DAG1: variants seen among roughly 807,000 people sequenced by gnomAD.
The protein encoded by DAG1 is dystroglycan 1 (dystrophin-associated glycoprotein 1).
A neutral mutation model predicts 46.1 loss-of-function variants in DAG1; 8 were observed. The observed-to-expected ratio is 0.17, with a 90% CI of 0.10 to 0.31. DAG1 has a LOEUF of 0.31. Ranked by LOEUF, DAG1 falls within the 10% of genes least tolerant of loss-of-function variation. The pLI, the probability that DAG1 is intolerant of heterozygous loss-of-function variation, is 1.00. For missense variants in DAG1, 1,003 were observed against 1,189.9 expected, an observed-to-expected ratio of 0.84 and a Z score of 2.31; for synonymous variants, 495 against 481.8, an observed-to-expected ratio of 1.03 and a Z score of -0.36.
chr3:49,475,852 C>T (rs937906875), intron 1 of DAG1, among the ~76,000 whole-genome samples: 23 of 151,520 alleles, frequency 1.5e-4, no homozygotes, highest in East Asian at 1.4e-3. Context: ...TACAGGTGCC[C>T]GCCACCACAC....
intron 2 of DAG1, among the ~76,000 whole-genome samples, chr3:49,526,370 A>G (rs2051171635): frequency 3.9e-5 from 6 of 152,264 alleles, no homozygotes; most frequent in Admixed American, 3.9e-4. Flanking sequence ...TGCCCCAAAG[A>G]CATGGGTAAA....
At chr3:49,505,457 T>C (rs1327396922) in intron 1 of DAG1, among the ~76,000 whole-genome samples, 1 of 152,204 alleles carries the variant, frequency 6.6e-6, no homozygotes, top group Non-Finnish European at 1.5e-5. Context: ...TAAATGATAC[T>C]GTATTTTTAA....
chr3:49,527,893 T>C (rs1010250913), intron 2 of DAG1, among the ~76,000 whole-genome samples: 1 of 152,178 alleles, frequency 6.6e-6, no homozygotes, highest in African/African-American at 2.4e-5. Flanking sequence ...CTTAGTTGGC[T>C]TTACCCAGAC....
chr3:49,498,789 A>G (rs1228918017), intron 1 of DAG1, among the ~76,000 whole-genome samples: 1 of 151,534 alleles, frequency 6.6e-6, no homozygotes, highest in Non-Finnish European at 1.5e-5. Flanking sequence ...TCTCACTGCA[A>G]TCTCACCATC....
At chr3:49,523,751 C>G (rs2051099241) in intron 2 of DAG1, among the ~76,000 whole-genome samples, 1 of 152,154 alleles carries the variant, frequency 6.6e-6, no homozygotes, top group Non-Finnish European at 1.5e-5. Context: ...TTCTCAGAGC[C>G]CATGGGAGCC....
Position 49,524,866 on chromosome 3 carries a change from A to G in DAG1, c.286-5931A>G, listed in dbSNP as rs2051125599. Among the ~76,000 whole-genome samples, 3 of 151,944 alleles carry G rather than the reference A, an allele frequency of 2.0e-5. No individual in the cohort carries two copies. The South Asian group carries it at 6.2e-4, about 32-fold the overall frequency. On this transcript the variant is annotated intron_variant, in intron 2 of 2. Transcript: ENST00000308775. ...CCGGGCACGTGCCTATGTCCCAGCTACTTGGGAGGCTGAGGTGGGAGGATT... is the reference window on the plus strand; with the variant it reads ...CCGGGCACGTGCCTATGTCCCAGCTGCTTGGGAGGCTGAGGTGGGAGGATT...
At chr3:49,508,382 ATTTG>A (rs908308152) in intron 1 of DAG1, among the ~76,000 whole-genome samples, 1 of 149,250 alleles carries the variant, frequency 6.7e-6, no homozygotes, top group African/African-American at 2.5e-5. Flanking sequence ...TTGTATTTGT[ATTTG>A]TTTGTGTATA....
In DAG1 at chr3:49,507,285, A is replaced by G. The variant is rs376671680; in HGVS notation, c.-116-3134A>G. On this transcript the variant is annotated intron_variant, in intron 1 of 2. Transcript: ENST00000308775. ...GTTTTAAAATTACAAATTCAGGGTCAGGCGTGGTGGCTCACACCTGTAATC... is the reference window on the plus strand; with the variant it reads ...GTTTTAAAATTACAAATTCAGGGTCGGGCGTGGTGGCTCACACCTGTAATC... Among the ~76,000 whole-genome samples, 18 of 152,284 alleles carry G rather than the reference A, an allele frequency of 1.2e-4. No individual in the cohort carries two copies. In the East Asian group the frequency reaches 2.5e-3, roughly 21 times the overall value.
At chr3:49,512,724 T>C (rs1247916352) in intron 2 of DAG1, among the ~76,000 whole-genome samples, 2 of 150,562 alleles carry the variant, frequency 1.3e-5, no homozygotes, top group African/African-American at 4.9e-5. Flanking sequence ...TCCTAGCACT[T>C]TGGGAGGCTG....
chr3:49,480,299 G>A (rs1189387897), intron 1 of DAG1, among the ~76,000 whole-genome samples: 12 of 113,488 alleles, frequency 1.1e-4, no homozygotes, highest in South Asian at 2.7e-4. Context: ...GGAGACGGAC[G>A]GAGTCTCGCT....
chr3:49,473,120 A>G (rs1186608016), intron 1 of DAG1, among the ~76,000 whole-genome samples: 1 of 144,268 alleles, frequency 6.9e-6, no homozygotes, highest in Non-Finnish European at 1.5e-5. Context: ...AATAAAAAAT[A>G]AAACAAAACA....
intron 1 of DAG1, among the ~76,000 whole-genome samples, chr3:49,508,988 A>G (rs767905397): frequency 6.6e-6 from 1 of 152,218 alleles, no homozygotes; most frequent in Non-Finnish European, 1.5e-5. Flanking sequence ...ACAATTCATA[A>G]GATTGAGGAT....
intron 1 of DAG1, among the ~76,000 whole-genome samples, chr3:49,491,286 A>G (rs1275337050): frequency 6.7e-6 from 1 of 150,070 alleles, no homozygotes; most frequent in South Asian, 2.1e-4. Context: ...CTGGGATTAC[A>G]GGTATGAGCC....
At position 49,530,875 on chromosome 3, in the gene DAG1, C is replaced by T; in HGVS notation, c.364C>T (p.Leu122Phe). Reference sequence around the variant, plus strand: ...GAGCCACACCCTGGAGGGCCTCCCCCTTGACACTGATAAGGGTGTGCATTA... The same window carrying T: ...GAGCCACACCCTGGAGGGCCTCCCCTTTGACACTGATAAGGGTGTGCATTA... The part of the protein sequence containing the change: ...SQSHTLEGLP[L>F]DTDKGVHYIS... The change falls in exon 3 of 3, where the codon CTT (leucine) becomes TTT (phenylalanine). Residue 122 changes from leucine (L) to phenylalanine (F), a missense_variant. Leu to Phe is a conservative substitution (Grantham distance 22, BLOSUM62 0). Around this residue, in one of 3 missense-constraint regions of DAG1, gnomAD observed 196 missense variants for 239.1 expected, o/e 0.82. Transcript: ENST00000308775. 2.5e-6 allele frequency: 4 copies of T among 1,614,180 alleles called. No homozygotes were observed. The highest frequency in any genetic ancestry group is 3.4e-6 in the Non-Finnish European group (4 of 1,180,020).
At chr3:49,499,852 T>C (rs2050399459) in intron 1 of DAG1, among the ~76,000 whole-genome samples, 1 of 152,218 alleles carries the variant, frequency 6.6e-6, no homozygotes, top group African/African-American at 2.4e-5. Context: ...TTCCTAGTTA[T>C]ATCCCTGATG....
At chr3:49,490,177 C>T (rs771918314) in intron 1 of DAG1, among the ~76,000 whole-genome samples, 4 of 148,930 alleles carry the variant, frequency 2.7e-5, no homozygotes, top group Admixed American at 6.6e-5. Flanking sequence ...CACGGTGAAA[C>T]CCCGTCTCTA....
intron 1 of DAG1, among the ~76,000 whole-genome samples, chr3:49,492,424 A>G (rs1203729964): frequency 6.6e-6 from 1 of 152,150 alleles, no homozygotes; most frequent in South Asian, 2.1e-4. Flanking sequence ...AGGTGGGAGA[A>G]TTGCTTGAGC....
chr3:49,491,334 CAG>C (rs1452386461), intron 1 of DAG1, among the ~76,000 whole-genome samples: 2 of 139,490 alleles, frequency 1.4e-5, no homozygotes, highest in East Asian at 2.5e-4. Flanking sequence ...TTTTTTGAGA[CAG>C]AGTCTCATTC....
At chr3:49,515,577 G>C (rs1262724555) in intron 2 of DAG1, among the ~76,000 whole-genome samples, 1 of 151,490 alleles carries the variant, frequency 6.6e-6, no homozygotes, top group Non-Finnish European at 1.5e-5. Context: ...TGTAGAGATG[G>C]GTCTCACTTT....
Sources: allele counts gnomAD v4.1 joint callset (sites outside exome capture counted in the v4.1 genomes callset), GRCh38; gene constraint gnomAD v4.1.1; regional missense constraint gnomAD v4.1.1; transcripts MANE v1.5; gene names NCBI Gene and HGNC (gene_info 2026-07-23, HGNC 2026-07-21).